The following OPHN1 variants were observed in gnomAD, a reference collection of about 807,000 sequenced individuals.
OPHN1 encodes oligophrenin-1.
A neutral mutation model predicts 60.7 loss-of-function variants in OPHN1; 11 were observed. The observed-to-expected ratio is 0.18, with a 90% CI of 0.11 to 0.30. The LOEUF is 0.30. Among genes scored for constraint, OPHN1 ranks in the 10% least tolerant of loss-of-function variants. The pLI is 1.00. For missense variants in OPHN1, 449 were observed against 611.0 expected, an observed-to-expected ratio of 0.73 and a Z score of 2.80; for synonymous variants, 226 against 222.6, an observed-to-expected ratio of 1.02 and a Z score of -0.14.
intron 3 of OPHN1, among the ~76,000 whole-genome samples, chrX:68,295,357 T>C (rs950471674): frequency 1.8e-5 from 2 of 112,264 alleles, no homozygotes; most frequent in East Asian, 5.6e-4. Flanking sequence ...ACCAACTATA[T>C]GCCAGACACT....
chrX:68,244,244 C>T (rs768591214), intron 5 of OPHN1, among the ~76,000 whole-genome samples: 5 of 112,255 alleles, frequency 4.5e-5, no homozygotes, highest in Non-Finnish European at 9.4e-5. Context: ...CAGGTCACAC[C>T]TGAAGTGTCA....
intron 2 of OPHN1, among the ~76,000 whole-genome samples, chrX:68,357,829 C>T (rs1002269545): frequency 7.2e-5 from 8 of 110,971 alleles, no homozygotes; most frequent in Non-Finnish European, 1.5e-4. Flanking sequence ...AATCGCCACA[C>T]TGACTTCCAC....
At chrX:68,383,285 A>G (rs1235541076) in intron 2 of OPHN1, among the ~76,000 whole-genome samples, 1 of 111,039 alleles carries the variant, frequency 9.0e-6, no homozygotes, top group Non-Finnish European at 1.9e-5. Context: ...TGGCATGACA[A>G]AAAGGAATTA....
At chrX:68,061,260 A>T (rs778168938) in intron 21 of OPHN1, among the ~76,000 whole-genome samples, 3 of 111,981 alleles carry the variant, frequency 2.7e-5, no homozygotes, top group African/African-American at 9.7e-5. Flanking sequence ...ATTAGCTGAG[A>T]CCATTAGATC....
chrX:68,332,822 G>A (rs1178263927), intron 2 of OPHN1, among the ~76,000 whole-genome samples: 1 of 109,602 alleles, frequency 9.1e-6, no homozygotes, highest in Non-Finnish European at 1.9e-5. Context: ...AAACAGCAAA[G>A]AGCTTAAAGC....
In OPHN1 at chrX:68,181,470, A is replaced by G. The variant is rs1010167625; in HGVS notation, c.1276+11449T>C. Among the ~76,000 whole-genome samples the G allele has an allele frequency of 3.0e-4, 33 of 111,383 alleles. 1 individual carries two copies. The highest frequency in any genetic ancestry group is 3.9e-4 in the Admixed American group (4 of 10,376). ...ATCTGAATTTGAATTTTAACTGAGCATTCTGTATTTCGTTTTTCACCTGCT... is the reference window on the plus strand; with the variant it reads ...ATCTGAATTTGAATTTTAACTGAGCGTTCTGTATTTCGTTTTTCACCTGCT... On this transcript the variant is annotated intron_variant, in intron 15 of 24. Coordinates refer to ENST00000355520, the MANE Select transcript of OPHN1 (RefSeq NM_002547.3).
chrX:68,132,218 T>C (rs760236598), intron 15 of OPHN1, among the ~76,000 whole-genome samples: 1 of 109,181 alleles, frequency 9.2e-6, no homozygotes, highest in East Asian at 2.9e-4. Flanking sequence ...CAAATGACTA[T>C]AAATCATGCT....
chrX:68,233,633 C>A (rs1392973102), intron 6 of OPHN1, among the ~76,000 whole-genome samples: 1 of 111,163 alleles, frequency 9.0e-6, no homozygotes, highest in Non-Finnish European at 1.9e-5. Context: ...GTTTGAGATT[C>A]CTAAAATAGA....
intron 3 of OPHN1, among the ~76,000 whole-genome samples, chrX:68,295,508 C>T (rs776137404): frequency 2.7e-5 from 3 of 112,509 alleles, no homozygotes; most frequent in South Asian, 7.3e-4. Context: ...TTACCAAGAT[C>T]CCATAGCTAA....
At chrX:68,287,449 T>A (rs2078050034) in intron 3 of OPHN1, among the ~76,000 whole-genome samples, 1 of 101,154 alleles carries the variant, frequency 9.9e-6, no homozygotes, top group Non-Finnish European at 2.0e-5. Context: ...TTGCTTGAGG[T>A]CAGGAGTTCT....
intron 15 of OPHN1, among the ~76,000 whole-genome samples, chrX:68,157,688 C>A (rs761908725): frequency 2.4e-4 from 25 of 102,541 alleles, no homozygotes; most frequent in Non-Finnish European, 4.4e-4. Flanking sequence ...CCCCCTGTAT[C>A]TAAAATAAAA....
chrX:68,361,304 A>G (rs906763804), intron 2 of OPHN1: 2 of 109,323 alleles, frequency 1.8e-5, no homozygotes, highest in African/African-American at 6.6e-5. Flanking sequence ...ATATGGTGGA[A>G]CCCTATCTCT....
chrX:68,365,615 G>C (rs1432487398), intron 2 of OPHN1, among the ~76,000 whole-genome samples: 1 of 111,032 alleles, frequency 9.0e-6, no homozygotes, highest in Non-Finnish European at 1.9e-5. Flanking sequence ...CCGCCACAGA[G>C]AACAATGTTG....
chrX:68,329,905 T>C (rs1375420418), intron 2 of OPHN1, among the ~76,000 whole-genome samples: 1 of 111,747 alleles, frequency 8.9e-6, no homozygotes, highest in Admixed American at 9.6e-5. Context: ...CAAATCTAAC[T>C]GGAGGGCAAG....
chrX:68,308,862 C>G (rs771452327), intron 2 of OPHN1, among the ~76,000 whole-genome samples: 20 of 109,794 alleles, frequency 1.8e-4, no homozygotes, highest in Non-Finnish European at 3.0e-4. Context: ...TCACTGCAGC[C>G]TCAACCTCCT....
At position 68,213,942 on chromosome X, in the gene OPHN1, T is replaced by C; in HGVS notation, c.517A>G (p.Asn173Asp). ...ADLQVDKERH[N>D]FFESSLDYVY... ...TAATCAAGAGAGGACTCGAAAAAATTGTGCCTCTCCTTGTCCACCTGTAGG... is the reference window on the plus strand; with the variant it reads ...TAATCAAGAGAGGACTCGAAAAAATCGTGCCTCTCCTTGTCCACCTGTAGG... The change falls in exon 7 of 25, where the codon AAT (asparagine) becomes GAT (aspartate). Residue 173 changes from asparagine to aspartate, a missense_variant. Around this residue, in one of 4 missense-constraint regions of OPHN1, gnomAD observed 99 missense variants for 155.2 expected, o/e 0.64. Coordinates refer to ENST00000355520, the MANE Select transcript of OPHN1 (RefSeq NM_002547.3). 1 of 1,200,192 alleles carries C rather than the reference T, an allele frequency of 8.3e-7. No individual in the cohort carries two copies. The highest frequency in any genetic ancestry group is 1.1e-6 in the Non-Finnish European group (1 of 886,177).
intron 17 of OPHN1, among the ~76,000 whole-genome samples, 169 bp from the exon 18 acceptor site, chrX:68,112,128 G>C (rs761934355): frequency 2.0e-4 from 22 of 108,221 alleles, no homozygotes; most frequent in Admixed American, 1.4e-3. Flanking sequence ...GACACACACA[G>C]AGAGAGAGAT....
chrX:68,181,304 C>T (rs2077435657), intron 15 of OPHN1, among the ~76,000 whole-genome samples: 1 of 111,310 alleles, frequency 9.0e-6, no homozygotes, highest in South Asian at 3.8e-4. Flanking sequence ...GACTAAAATC[C>T]TTCACATGAC....
intron 10 of OPHN1, among the ~76,000 whole-genome samples, chrX:68,203,213 C>T (rs1038478620): frequency 1.6e-4 from 18 of 111,762 alleles, no homozygotes; most frequent in Non-Finnish European, 3.2e-4. Context: ...CAAGATCGTG[C>T]CACTGCACTC....
Sources: allele counts gnomAD v4.1 joint callset (sites outside exome capture counted in the v4.1 genomes callset), GRCh38; gene constraint gnomAD v4.1.1; regional missense constraint gnomAD v4.1.1; transcripts MANE v1.5; gene names NCBI Gene and HGNC (gene_info 2026-07-23, HGNC 2026-07-21).